The following CLSTN2 variants were observed in gnomAD, a reference collection of about 807,000 sequenced individuals.
The protein encoded by CLSTN2 is calsyntenin 2, also known as calsyntenin-2.
A neutral mutation model predicts 101.2 loss-of-function variants in CLSTN2; 48 were observed. The observed-to-expected ratio is 0.47, with a 90% confidence interval of 0.38 to 0.60. The LOEUF (loss-of-function observed/expected upper bound fraction) is 0.60. CLSTN2 is among the 20% of genes least tolerant of loss of function. The pLI is 0.00. For missense variants in CLSTN2, 1,160 were observed against 1,238.2 expected (o/e 0.94, Z 0.95); for synonymous variants, 481 against 463.6 (o/e 1.04, Z -0.48).
intron 6 of CLSTN2, among the ~76,000 whole-genome samples, chr3:140,453,059 A>G (rs184397229): frequency 1.1e-4 from 17 of 152,340 alleles, no homozygotes; most frequent in South Asian, 2.1e-4. Context: ...TGTGACATTA[A>G]CAACAGCCCA....
chr3:140,519,082 A>G (rs1446324441), intron 8 of CLSTN2, among the ~76,000 whole-genome samples: 1 of 152,160 alleles, frequency 6.6e-6, no homozygotes, highest in Non-Finnish European at 1.5e-5. Context: ...TTATTTCATT[A>G]TTTACCCAGG....
At chr3:139,978,260 T>C (rs1935854710) in intron 1 of CLSTN2, among the ~76,000 whole-genome samples, 1 of 152,236 alleles carries the variant, frequency 6.6e-6, no homozygotes, top group Non-Finnish European at 1.5e-5. Flanking sequence ...GTGTTAGAAC[T>C]GTTTTCTCAT....
intron 1 of CLSTN2, among the ~76,000 whole-genome samples, chr3:139,938,169 C>T (rs537854874): frequency 7.5e-5 from 11 of 147,358 alleles, no homozygotes; most frequent in South Asian, 4.3e-4. Context: ...ATCAGGAAGG[C>T]GTGTGAAGAT....
chr3:140,129,622 C>T (rs1029431251), intron 1 of CLSTN2, among the ~76,000 whole-genome samples: 1 of 152,206 alleles, frequency 6.6e-6, no homozygotes, highest in Non-Finnish European at 1.5e-5. Context: ...TATCTTTCTT[C>T]TGTCTCTGCA....
At chr3:139,968,529 C>T (rs1377967235) in intron 1 of CLSTN2, among the ~76,000 whole-genome samples, 2 of 152,192 alleles carry the variant, frequency 1.3e-5, no homozygotes, top group Non-Finnish European at 2.9e-5. Context: ...GCTCTTCCAC[C>T]TTTCACCATA....
At chr3:140,339,603 C>T (rs1306226286) in intron 2 of CLSTN2, among the ~76,000 whole-genome samples, 1 of 152,126 alleles carries the variant, frequency 6.6e-6, no homozygotes, top group African/African-American at 2.4e-5. Context: ...TCTTTGCATC[C>T]AACCTGGTGG....
chr3:140,349,276 T>G (rs2087582238), intron 2 of CLSTN2, among the ~76,000 whole-genome samples: 1 of 152,196 alleles, frequency 6.6e-6, no homozygotes, highest in Non-Finnish European at 1.5e-5. Flanking sequence ...AATTACCCAG[T>G]CTCGGGCAGT....
intron 10 of CLSTN2, among the ~76,000 whole-genome samples, chr3:140,553,135 C>A (rs1045994135): frequency 6.6e-6 from 1 of 152,176 alleles, no homozygotes; most frequent in African/African-American, 2.4e-5. Context: ...GAGGGTGGTG[C>A]TCTTGGCCTG....
chr3:140,333,694 G>A (rs2087410996), intron 2 of CLSTN2, among the ~76,000 whole-genome samples: 1 of 151,906 alleles, frequency 6.6e-6, no homozygotes. Flanking sequence ...GTGTGTGTGT[G>A]TGTGTGTGTG....
chr3:140,158,405 A>G (rs531561167), intron 1 of CLSTN2, among the ~76,000 whole-genome samples: 1 of 146,942 alleles, frequency 6.8e-6, no homozygotes, highest in African/African-American at 2.8e-5. Flanking sequence ...TACCAATAAC[A>G]TTCAAGCTGA....
chr3:140,044,740 T>A (rs1418031818), intron 1 of CLSTN2, among the ~76,000 whole-genome samples: 1 of 152,134 alleles, frequency 6.6e-6, no homozygotes, highest in African/African-American at 2.4e-5. Flanking sequence ...TTAGCATGAA[T>A]TGCTGTTGAA....
chr3:140,145,766 A>G (rs781289958), intron 1 of CLSTN2, among the ~76,000 whole-genome samples: 14 of 152,180 alleles, frequency 9.2e-5, no homozygotes, highest in Non-Finnish European at 1.6e-4. Flanking sequence ...CAAGATTCCA[A>G]TGCCTCTTCC....
At chr3:139,975,022 A>C (rs1001007145) in intron 1 of CLSTN2, among the ~76,000 whole-genome samples, 12 of 152,208 alleles carry the variant, frequency 7.9e-5, no homozygotes, top group African/African-American at 2.9e-4. Flanking sequence ...CAGCTCACAT[A>C]GTCCCAGGAT....
At chr3:140,184,399 G>A (rs2010455040) in intron 2 of CLSTN2, among the ~76,000 whole-genome samples, 1 of 152,090 alleles carries the variant, frequency 6.6e-6, no homozygotes, top group Non-Finnish European at 1.5e-5. Flanking sequence ...GCAGACATGT[G>A]GTAGCAGGTG....
intron 9 of CLSTN2, among the ~76,000 whole-genome samples, chr3:140,533,323 C>T (rs1013022230): frequency 6.6e-6 from 1 of 152,170 alleles, no homozygotes; most frequent in African/African-American, 2.4e-5. Flanking sequence ...AGATGTGGCA[C>T]AACCTTGTGT....
At chr3:140,401,700 A>T (rs1053325426) in intron 2 of CLSTN2, among the ~76,000 whole-genome samples, 1 of 152,230 alleles carries the variant, frequency 6.6e-6, no homozygotes, top group Admixed American at 6.5e-5. Context: ...CACTCCAGAG[A>T]ATGCCCCAGA....
rs575508566 is a variant in CLSTN2, at chr3:140,037,858, C to A, written c.109+102375C>A. ...AGTGGCTTCCAAATCTATCCATGTG[C>A]CTCCAAAAAACATGATCTTGCTCCT... is the stretch of plus-strand genomic sequence containing the variant. On this transcript the variant is annotated intron_variant, in intron 1 of 16. Coordinates refer to ENST00000458420, the MANE Select transcript of CLSTN2 (RefSeq NM_022131.3). Among the ~76,000 whole-genome samples the A allele has an allele frequency of 2.6e-5, 4 of 152,204 alleles. No homozygotes were observed. The East Asian group carries it at 7.7e-4, about 29-fold the overall frequency.
At chr3:140,286,709 C>A (rs1448791335) in intron 2 of CLSTN2, among the ~76,000 whole-genome samples, 6 of 152,108 alleles carry the variant, frequency 3.9e-5, no homozygotes, top group Non-Finnish European at 5.9e-5. Context: ...AGAGGCTTGT[C>A]CTTGAAGAAA....
At chr3:139,949,217 A>G (rs1935256180) in intron 1 of CLSTN2, among the ~76,000 whole-genome samples, 2 of 152,088 alleles carry the variant, frequency 1.3e-5, no homozygotes, top group South Asian at 4.1e-4. Flanking sequence ...GCGCCTCACT[A>G]GATTGCGTTC....
Sources: gnomAD v4.1 joint callset for allele counts (sites outside exome capture counted in the v4.1 genomes callset) on GRCh38, gnomAD v4.1.1 for gene constraint, MANE v1.5 for transcripts, NCBI Gene and HGNC (gene_info 2026-07-23, HGNC 2026-07-21) for gene names.